EPB41L4A: variants seen among roughly 807,000 people sequenced by gnomAD.
EPB41L4A encodes the protein erythrocyte membrane protein band 4.1 like 4A, also known as band 4.1-like protein 4A.
Under a neutral mutation model 108.6 loss-of-function variants are expected in EPB41L4A, and 100 were observed. The ratio of observed to expected loss-of-function variants is 0.92; its 90% CI spans 0.78 to 1.09. The LOEUF (loss-of-function observed/expected upper bound fraction) is 1.09. Among genes scored for constraint, EPB41L4A ranks in the 50% least tolerant of loss-of-function variants. The probability of loss-of-function intolerance (pLI) is 0.00; values close to 1 mark genes in which losing one functional copy is unlikely to be tolerated. For synonymous variants in EPB41L4A, 319 were observed against 289.0 expected (o/e 1.10, Z -1.05); for missense variants, 1,030 against 842.7 (o/e 1.22, Z -2.75).
intron 1 of EPB41L4A, among the ~76,000 whole-genome samples, chr5:112,356,746 C>T (rs922940893): frequency 2.6e-5 from 4 of 152,074 alleles, no homozygotes; most frequent in African/African-American, 9.7e-5. Flanking sequence ...ATGGAAGTAA[C>T]AAATCTGACA....
At chr5:112,406,806 A>C (rs1415188697) in intron 1 of EPB41L4A, among the ~76,000 whole-genome samples, 2 of 152,176 alleles carry the variant, frequency 1.3e-5, no homozygotes, top group African/African-American at 4.8e-5. Flanking sequence ...ACCAAGAGAA[A>C]AACCAGAGAG....
intron 13 of EPB41L4A, among the ~76,000 whole-genome samples, chr5:112,208,244 CAA>C (rs68152475): frequency 1.2e-5 from 1 of 85,110 alleles, no homozygotes. Context: ...GACTCCATCT[CAA>C]AAAAAAAAAA....
chr5:112,199,617 T>TG (rs1393050527), intron 15 of EPB41L4A, among the ~76,000 whole-genome samples: 8 of 152,338 alleles, frequency 5.3e-5, no homozygotes, highest in Non-Finnish European at 1.0e-4. Flanking sequence ...ATCCCACACT[T>TG]GGACTTCTCA....
At position 112,164,848 on chromosome 5, in the gene EPB41L4A, A is replaced by T; in HGVS notation, c.*142T>A. ...TAACATCTCAAAAAAAAAAAAAAAAAGAAGCAAAAGATAATGTATTTTCTC... is the reference window on the plus strand; with the variant it reads ...TAACATCTCAAAAAAAAAAAAAAAATGAAGCAAAAGATAATGTATTTTCTC... On this transcript the variant is annotated 3_prime_UTR_variant, in exon 23 of 23. Transcript: ENST00000261486. 11 of 911,788 alleles carry T rather than the reference A, an allele frequency of 1.2e-5. No homozygotes were observed. Among genetic ancestry groups the T allele is most frequent in the East Asian group, 3.0e-5 (1 of 33,730 alleles). 56.5% of individuals were successfully genotyped at this position (911,788 alleles called of 1,614,324 possible). A position where few individuals can be genotyped will look rare whatever the true frequency, so the allele number is the denominator to read the frequency against.
intron 13 of EPB41L4A, chr5:112,143,974 C>T (rs1759159190): frequency 5.1e-6 from 2 of 394,888 alleles, no homozygotes; most frequent in Non-Finnish European, 1.0e-5. Context: ...TGGCCACCCT[C>T]CAATTCACCC....
intron 11 of EPB41L4A, among the ~76,000 whole-genome samples, chr5:112,237,163 C>T (rs1191817940): frequency 1.3e-5 from 2 of 152,156 alleles, no homozygotes; most frequent in Admixed American, 6.5e-5. Context: ...GAGAAGATAG[C>T]AATGTATAAC....
chr5:112,287,731 T>C (rs1753380992), intron 2 of EPB41L4A, among the ~76,000 whole-genome samples: 1 of 152,160 alleles, frequency 6.6e-6, no homozygotes, highest in African/African-American at 2.4e-5. Flanking sequence ...GGTAGAAGCC[T>C]GAGGGCTTGC....
chr5:112,407,669 T>C (rs1762149565), intron 1 of EPB41L4A, among the ~76,000 whole-genome samples: 1 of 152,168 alleles, frequency 6.6e-6, no homozygotes. Flanking sequence ...TTCCACCAAG[T>C]GATTTACAGA....
intron 1 of EPB41L4A, among the ~76,000 whole-genome samples, chr5:112,355,294 T>C (rs1758295040): frequency 6.6e-6 from 1 of 152,234 alleles, no homozygotes; most frequent in African/African-American, 2.4e-5. Flanking sequence ...AGCAATGCAG[T>C]GCATGCAGAT....
chr5:112,153,566 C>T (rs924333999), intron 12 of EPB41L4A, among the ~76,000 whole-genome samples: 4 of 144,974 alleles, frequency 2.8e-5, no homozygotes, highest in Non-Finnish European at 6.0e-5. Context: ...AAAAAATATA[C>T]ATATATATAT....
chr5:112,362,812 AAAT>A (rs1404071549), intron 1 of EPB41L4A, among the ~76,000 whole-genome samples: 1 of 152,208 alleles, frequency 6.6e-6, no homozygotes, highest in Non-Finnish European at 1.5e-5. Context: ...AATGCAATAT[AAAT>A]AATATCAAGT....
At chr5:112,249,802 G>A (rs115621870) in intron 9 of EPB41L4A, among the ~76,000 whole-genome samples, 2,308 of 152,142 alleles carry the variant, frequency 0.015, 68 homozygotes, top group African/African-American at 0.052. Context: ...GGCATAGAAG[G>A]GTTCTTTGCT....
chr5:112,171,305 G>A (rs1356495448), intron 18 of EPB41L4A, among the ~76,000 whole-genome samples: 2 of 152,202 alleles, frequency 1.3e-5, no homozygotes, highest in African/African-American at 2.4e-5. Context: ...GATTCAGGGC[G>A]TCTGTTTCTG....
intron 2 of EPB41L4A, among the ~76,000 whole-genome samples, chr5:112,291,571 T>G (rs1312358186): frequency 6.6e-6 from 1 of 152,196 alleles, no homozygotes; most frequent in Non-Finnish European, 1.5e-5. Context: ...GACTCTAATC[T>G]TCTCCCACCT....
At chr5:112,216,994 C>CA (rs748707638) in intron 12 of EPB41L4A, among the ~76,000 whole-genome samples, 16 of 150,376 alleles carry the variant, frequency 1.1e-4, no homozygotes, top group Non-Finnish European at 1.9e-4. Flanking sequence ...TTTTTTGAGA[C>CA]AGAGTCTCGC....
At chr5:112,177,151 ACACAGGTC>A (rs1392965776) in intron 18 of EPB41L4A, among the ~76,000 whole-genome samples, 3 of 152,172 alleles carry the variant, frequency 2.0e-5, no homozygotes, top group African/African-American at 7.2e-5. Context: ...GAGAAATCTG[ACACAGGTC>A]CTACTGGACT....
chr5:112,285,260 T>G (rs572905007), intron 2 of EPB41L4A, among the ~76,000 whole-genome samples: 1 of 152,310 alleles, frequency 6.6e-6, no homozygotes, highest in Admixed American at 6.5e-5. Context: ...TTCATTAATA[T>G]AGCAAAACAA....
At chr5:112,282,858 T>A (rs543693259) in intron 2 of EPB41L4A, among the ~76,000 whole-genome samples, 3 of 152,328 alleles carry the variant, frequency 2.0e-5, no homozygotes, top group Admixed American at 2.0e-4. Flanking sequence ...ATCATCATCA[T>A]CATCCCAAAA....
chr5:112,266,962 G>A (rs982171939), intron 4 of EPB41L4A, among the ~76,000 whole-genome samples: 1 of 152,182 alleles, frequency 6.6e-6, no homozygotes, highest in Admixed American at 6.5e-5. Flanking sequence ...CCATTGTGCA[G>A]ATGAGAAAAC....
Sources: gnomAD v4.1 joint callset for allele counts (sites outside exome capture counted in the v4.1 genomes callset) on GRCh38, gnomAD v4.1.1 for gene constraint, MANE v1.5 for transcripts, NCBI Gene and HGNC (gene_info 2026-07-23, HGNC 2026-07-21) for gene names.